The following STXBP5L variants were observed in gnomAD, a reference collection of about 807,000 sequenced individuals.
STXBP5L encodes the protein syntaxin-binding protein 5-like.
In STXBP5L, 65 loss-of-function variants were observed where a neutral mutation model predicts 144.5. The observed-to-expected ratio is 0.45, with a 90% CI of 0.37 to 0.55. The LOEUF is 0.55. STXBP5L is among the 20% of genes least tolerant of loss of function. The pLI, the probability that STXBP5L is intolerant of heterozygous loss-of-function variation, is 0.00. For missense variants in STXBP5L, 1,298 were observed against 1,405.5 expected (o/e 0.92, Z 1.22); for synonymous variants, 505 against 469.6 (o/e 1.08, Z -0.97).
intron 3 of STXBP5L, among the ~76,000 whole-genome samples, chr3:120,984,299 A>T (rs1942078828): frequency 6.6e-6 from 1 of 152,186 alleles, no homozygotes; most frequent in South Asian, 2.1e-4. Context: ...TCTTGATTTT[A>T]TGGACGCAGA....
At chr3:121,040,787 C>T (rs572164396) in intron 3 of STXBP5L, among the ~76,000 whole-genome samples, 3 of 152,000 alleles carry the variant, frequency 2.0e-5, no homozygotes, top group African/African-American at 4.8e-5. Context: ...TCATAAGCCT[C>T]GCCTTATATA....
At chr3:121,377,505 A>G (rs2046217585) in intron 20 of STXBP5L, among the ~76,000 whole-genome samples, 1 of 152,232 alleles carries the variant, frequency 6.6e-6, no homozygotes, top group Non-Finnish European at 1.5e-5. Context: ...AAACAGCCCC[A>G]TCAAAAAGTG....
chr3:121,055,692 G>C (rs937560704), intron 5 of STXBP5L, among the ~76,000 whole-genome samples: 1 of 150,362 alleles, frequency 6.7e-6, no homozygotes, highest in Non-Finnish European at 1.5e-5. Flanking sequence ...TTTTAAAGTA[G>C]AGATGGTTTC....
In STXBP5L at chr3:120,954,958, C is replaced by G; in HGVS notation, c.208C>G (p.Pro70Ala). The change falls in exon 3 of 27, where the codon CCT (proline) becomes GCT (alanine). Residue 70 changes from proline (P) to alanine (A), a missense_variant. Coordinates refer to ENST00000471454, the MANE Select transcript of STXBP5L (RefSeq NM_001308330.2). ...CTTTCAGACAGTTCGGCATGGTTTT[C>G]CTCATCAGCCCACAGCATTAGCCTT... is the stretch of plus-strand genomic sequence containing the variant. ...QICKTVRHGF[P>A]HQPTALAFDP... 6.2e-7 allele frequency: 1 copy of G among 1,612,150 alleles called. No individual in the cohort carries two copies. The highest frequency in any genetic ancestry group is 1.1e-5 in the South Asian group (1 of 90,990).
At chr3:121,007,507 G>C (rs1025323751) in intron 3 of STXBP5L, among the ~76,000 whole-genome samples, 1 of 151,700 alleles carries the variant, frequency 6.6e-6, no homozygotes, top group African/African-American at 2.4e-5. Flanking sequence ...AAACCATTTG[G>C]GTATGAATTT....
chr3:121,063,260 C>G (rs917844696), intron 5 of STXBP5L, among the ~76,000 whole-genome samples: 3 of 152,192 alleles, frequency 2.0e-5, no homozygotes, highest in Admixed American at 6.5e-5. Context: ...TTCTAACAGT[C>G]AGGCCATCTG....
intron 20 of STXBP5L, among the ~76,000 whole-genome samples, chr3:121,371,597 C>T (rs924950386): frequency 1.3e-5 from 2 of 152,222 alleles, no homozygotes; most frequent in Non-Finnish European, 2.9e-5. Flanking sequence ...GCATTCACAG[C>T]AGTAGTAGTG....
chr3:121,066,202 A>T (rs1350240513), intron 5 of STXBP5L, among the ~76,000 whole-genome samples: 1 of 152,152 alleles, frequency 6.6e-6, no homozygotes, highest in Non-Finnish European at 1.5e-5. Flanking sequence ...TACAGTACTG[A>T]CTAAAATGGA....
At chr3:121,164,622 G>C (rs538907607) in intron 9 of STXBP5L, among the ~76,000 whole-genome samples, 3 of 152,232 alleles carry the variant, frequency 2.0e-5, no homozygotes, top group African/African-American at 7.2e-5. Flanking sequence ...CAATAGCCAA[G>C]ATATGGAAAC....
intron 20 of STXBP5L, among the ~76,000 whole-genome samples, chr3:121,378,224 G>T (rs2046239697): frequency 6.6e-6 from 1 of 151,654 alleles, no homozygotes; most frequent in South Asian, 2.1e-4. Context: ...ATGCATGTGG[G>T]GGTTAAAACC....
At chr3:120,941,254 G>A (rs1710552773) in intron 2 of STXBP5L, among the ~76,000 whole-genome samples, 1 of 151,712 alleles carries the variant, frequency 6.6e-6, no homozygotes, top group African/African-American at 2.4e-5. Context: ...AATTAATACG[G>A]TAGGGAAGAA....
chr3:121,380,647 G>T (rs2046303275), intron 21 of STXBP5L, among the ~76,000 whole-genome samples: 1 of 151,952 alleles, frequency 6.6e-6, no homozygotes, highest in Admixed American at 6.6e-5. Context: ...ACTATCAACA[G>T]GATGGCATAT....
chr3:121,130,306 G>A (rs1436496939), intron 7 of STXBP5L, among the ~76,000 whole-genome samples: 1 of 152,044 alleles, frequency 6.6e-6, no homozygotes, highest in East Asian at 1.9e-4. Flanking sequence ...ACTGAACCAT[G>A]GAATGCCAAA....
chr3:121,035,603 C>G (rs1225921654), intron 3 of STXBP5L, among the ~76,000 whole-genome samples: 1 of 152,048 alleles, frequency 6.6e-6, no homozygotes, highest in Non-Finnish European at 1.5e-5. Context: ...GTTTGGGTTA[C>G]TGTAGCTTTG....
chr3:121,282,662 T>A (rs1456686996), intron 19 of STXBP5L, among the ~76,000 whole-genome samples: 1 of 152,022 alleles, frequency 6.6e-6, no homozygotes, highest in South Asian at 2.1e-4. Context: ...ATAAAACTTA[T>A]TACTGACATG....
At chr3:121,282,208 C>T in intron 19 of STXBP5L, 1 of 1,549,504 alleles carries the variant, frequency 6.5e-7, no homozygotes, top group East Asian at 2.3e-5. Context: ...TCACTTTAGA[C>T]TTTTTTTTCT....
At chr3:120,990,130 G>C (rs1036305183) in intron 3 of STXBP5L, among the ~76,000 whole-genome samples, 1 of 152,070 alleles carries the variant, frequency 6.6e-6, no homozygotes, top group Non-Finnish European at 1.5e-5. Context: ...CAAAATCAAT[G>C]GGCAAAAATC....
At chr3:121,097,161 G>A (rs1382327368) in intron 5 of STXBP5L, among the ~76,000 whole-genome samples, 1 of 152,158 alleles carries the variant, frequency 6.6e-6, no homozygotes, top group African/African-American at 2.4e-5. Flanking sequence ...AGCTGCACCA[G>A]TGGTGGATGC....
chr3:121,105,892 C>T (rs1013572983), intron 5 of STXBP5L, among the ~76,000 whole-genome samples: 9 of 151,898 alleles, frequency 5.9e-5, no homozygotes, highest in African/African-American at 2.2e-4. Flanking sequence ...GTGTAAAGAG[C>T]CATAAGTGTG....
Sources: allele counts gnomAD v4.1 joint callset (sites outside exome capture counted in the v4.1 genomes callset), GRCh38; gene constraint gnomAD v4.1.1; transcripts MANE v1.5; gene names NCBI Gene and HGNC (gene_info 2026-07-23, HGNC 2026-07-21).